The following IQCH variants were observed in gnomAD, a reference collection of about 807,000 sequenced individuals.
The protein encoded by IQCH is IQ domain-containing protein H.
A neutral mutation model predicts 117.0 loss-of-function variants in IQCH; 98 were observed. The ratio of observed to expected loss-of-function variants is 0.84; its 90% confidence interval spans 0.71 to 0.99. IQCH has a LOEUF of 0.99. IQCH is among the 50% of genes least tolerant of loss of function. IQCH has a pLI of 0.00. For missense variants in IQCH, 1,102 were observed against 1,243.8 expected, an observed-to-expected ratio of 0.89 and a Z score of 1.72; for synonymous variants, 412 against 448.2, an observed-to-expected ratio of 0.92 and a Z score of 1.02.
chr15:67,487,429 AACACACACACAC>A (rs111875205), intron 18 of IQCH, among the ~76,000 whole-genome samples: 2 of 148,096 alleles, frequency 1.4e-5, no homozygotes, highest in African/African-American at 2.5e-5. Context: ...ACTTAAGGAA[AACACACACACAC>A]ACACACACAC....
intron 16 of IQCH, among the ~76,000 whole-genome samples, chr15:67,442,697 A>G (rs1246116547): frequency 6.6e-6 from 1 of 152,096 alleles, no homozygotes; most frequent in Non-Finnish European, 1.5e-5. Context: ...CCAGAGGAAA[A>G]GAAGTCATTA....
At chr15:67,378,505 C>T (rs1035702598) in intron 10 of IQCH, among the ~76,000 whole-genome samples, 2 of 149,518 alleles carry the variant, frequency 1.3e-5, no homozygotes, top group Non-Finnish European at 3.0e-5. Context: ...GACAGCATTT[C>T]CCAGAAATAT....
Position 67,344,089 on chromosome 15 carries a change from C to G in IQCH, c.535C>G (p.Leu179Val). The change falls in exon 6 of 21, where the codon CTG becomes GTG. Residue 179 changes from leucine (L) to valine (V), a missense_variant. Coordinates refer to ENST00000335894, the MANE Select transcript of IQCH (RefSeq NM_001031715.3). ...KGILSMIERG[L>V]IPPTARITFQ... ...GATTTTAAGTATGATAGAACGAGGG[C>G]TGATTCCACCAACAGCAAGGATTAC... 1 of 1,613,040 alleles carries G rather than the reference C, an allele frequency of 6.2e-7. No homozygotes were observed. The highest frequency in any genetic ancestry group is 2.2e-5 in the East Asian group (1 of 44,844).
chr15:67,440,094 TAC>T (rs1383097108), intron 16 of IQCH, among the ~76,000 whole-genome samples: 8 of 152,182 alleles, frequency 5.3e-5, no homozygotes, highest in Middle Eastern at 3.4e-3. Context: ...TGACCACCTT[TAC>T]ACACATAAAC....
chr15:67,317,747 AT>A (rs1163180585), intron 4 of IQCH, among the ~76,000 whole-genome samples: 3 of 152,292 alleles, frequency 2.0e-5, no homozygotes, highest in Non-Finnish European at 2.9e-5. Flanking sequence ...TCAATAAATG[AT>A]TAATTTAATT....
Position 67,438,308 on chromosome 15 carries a change from A to G in IQCH, c.2505+16731A>G, listed in dbSNP as rs966087016. Among the ~76,000 whole-genome samples the G allele has an allele frequency of 4.6e-5, 7 of 152,208 alleles. No individual in the cohort carries two copies. In the East Asian group the frequency reaches 1.3e-3, roughly 29 times the overall value. ...TGTATCCAGTGAAACTAAGCATCAT[A>G]TATGAAGGAAAGATACAGTCATTTT... On this transcript the variant is annotated intron_variant, in intron 16 of 20. Transcript: ENST00000335894.
At position 67,254,831 on chromosome 15, in the gene IQCH, T is replaced by G. The variant is rs544092628; in HGVS notation, c.-66T>G. 71 of 1,539,044 alleles carry G rather than the reference T, an allele frequency of 4.6e-5. No individual in the cohort carries two copies. The highest frequency in any genetic ancestry group is 1.7e-4 in the Middle Eastern group (1 of 5,976). On this transcript the variant is annotated 5_prime_UTR_variant, in exon 1 of 21. Coordinates refer to ENST00000335894, the MANE Select transcript of IQCH (RefSeq NM_001031715.3). ...CGGTGTTGCCATGGGGACGAGCGGC[T>G]CCGGCTGAAGGTTTCCGTGCTTGGA... is the stretch of plus-strand genomic sequence containing the variant.
intron 4 of IQCH, among the ~76,000 whole-genome samples, chr15:67,318,427 T>C (rs900525283): frequency 2.6e-5 from 4 of 152,240 alleles, no homozygotes; most frequent in African/African-American, 9.6e-5. Flanking sequence ...ATCATATTCC[T>C]GAGAAGGAAA....
intron 6 of IQCH, among the ~76,000 whole-genome samples, chr15:67,348,910 CAG>C (rs1596234287): frequency 6.6e-6 from 1 of 152,240 alleles, no homozygotes; most frequent in East Asian, 1.9e-4. Flanking sequence ...AGGATAAACA[CAG>C]AGATCAATGG....
intron 2 of IQCH, among the ~76,000 whole-genome samples, chr15:67,261,817 A>T (rs1001674632): frequency 2.0e-5 from 3 of 152,190 alleles, no homozygotes; most frequent in Admixed American, 2.0e-4. Flanking sequence ...TGGGCACAGT[A>T]GTGCAGGCCT....
rs148652817 is a variant in IQCH at position 67,443,622 on chromosome 15, A to T, written c.2506-21505A>T. ...ATTATCGTCCTACCTCCCACATATTACCTTCAGTCCTACAATTTGCTTTTC... is the reference window on the plus strand; with the variant it reads ...ATTATCGTCCTACCTCCCACATATTTCCTTCAGTCCTACAATTTGCTTTTC... On this transcript the variant is annotated intron_variant, in intron 16 of 20. Coordinates refer to ENST00000335894, the MANE Select transcript of IQCH (RefSeq NM_001031715.3). The surrounding 1 kb of genome is among the most constrained non-coding windows in gnomAD (Gnocchi z 5.0). 2.6e-3 allele frequency among the ~76,000 whole-genome samples: 396 copies of T among 152,294 alleles called. 1 individual carries two copies. The highest frequency in any genetic ancestry group is 0.017 in the Middle Eastern group (5 of 294).
At chr15:67,498,628 A>AAACTT (rs60915720) in intron 20 of IQCH, among the ~76,000 whole-genome samples, 1 of 148,780 alleles carries the variant, frequency 6.7e-6, no homozygotes, top group South Asian at 2.1e-4. Context: ...AAAAAAAAAA[A>AAACTT]TAAGTTAAAA....
intron 4 of IQCH, 28 bp from the exon 5 acceptor site, chr15:67,336,947 T>C: frequency 6.2e-7 from 1 of 1,611,204 alleles, no homozygotes; most frequent in Non-Finnish European, 8.5e-7. Context: ...GCAAAAATGT[T>C]TGCTGAAACA....
rs1172391770 is a variant in IQCH, at chr15:67,369,728, G to A, written c.754-2383G>A. Among the ~76,000 whole-genome samples, 1 of 152,176 alleles carries A rather than the reference G, an allele frequency of 6.6e-6. No homozygotes were observed. The highest frequency in any genetic ancestry group is 2.4e-5 in the African/African-American group (1 of 41,426). On this transcript the variant is annotated intron_variant, in intron 8 of 20. Coordinates refer to ENST00000335894, the MANE Select transcript of IQCH (RefSeq NM_001031715.3). This position sits in a 1 kb window ranked among gnomAD's most constrained non-coding sequence, Gnocchi z 5.2. The stretch of plus-strand genomic sequence containing the variant: ...TAATCAGGGCTCTTATTCCTAGCAG[G>A]CTGTGAAGCAGCTTTGTCTTTACCT...
intron 20 of IQCH, among the ~76,000 whole-genome samples, chr15:67,499,068 G>A (rs994945891): frequency 3.9e-5 from 6 of 152,154 alleles, no homozygotes; most frequent in African/African-American, 9.6e-5. Flanking sequence ...AGGCTGAAGC[G>A]AAAGGATCAC....
At chr15:67,307,035 T>G in intron 4 of IQCH, 2 of 1,329,398 alleles carry the variant, frequency 1.5e-6, no homozygotes, top group South Asian at 2.2e-5. Context: ...AGAACAATTA[T>G]GAATGCATAA....
At position 67,500,232 on chromosome 15, in the gene IQCH, C is replaced by T. The variant is rs1391226265; in HGVS notation, c.2971-401C>T. Reference sequence around the variant, plus strand: ...CCTATTAGCCCTCATTTTAGGGTGACTAGACCAATGCTTCTCAAATTATCC... The same window carrying T: ...CCTATTAGCCCTCATTTTAGGGTGATTAGACCAATGCTTCTCAAATTATCC... On this transcript the variant is annotated intron_variant, in intron 20 of 20. Coordinates refer to ENST00000335894, the MANE Select transcript of IQCH (RefSeq NM_001031715.3). The surrounding 1 kb of genome is among the most constrained non-coding windows in gnomAD (Gnocchi z 4.4). 6.6e-6 allele frequency among the ~76,000 whole-genome samples: 1 copy of T among 152,068 alleles called. No homozygotes were observed. The highest frequency in any genetic ancestry group is 1.9e-4 in the East Asian group (1 of 5,198).
chr15:67,437,201 A>G (rs982130710), intron 16 of IQCH, among the ~76,000 whole-genome samples: 1 of 152,112 alleles, frequency 6.6e-6, no homozygotes, highest in Non-Finnish European at 1.5e-5. Context: ...CTGCTGAGAA[A>G]CCCATATAAT....
Position 67,369,640 on chromosome 15 carries a change from T to G in IQCH, c.754-2471T>G, listed in dbSNP as rs1013473097. On this transcript the variant is annotated intron_variant, in intron 8 of 20. Transcript: ENST00000335894. This position sits in a 1 kb window ranked among gnomAD's most constrained non-coding sequence, Gnocchi z 5.2. Reference sequence around the variant, plus strand: ...AAGAAAGCCAACAAATAATAGTAGATAAGTTCACAGAGATAATAAAGAATA... The same window carrying G: ...AAGAAAGCCAACAAATAATAGTAGAGAAGTTCACAGAGATAATAAAGAATA... 1.3e-5 allele frequency among the ~76,000 whole-genome samples: 2 copies of G among 151,978 alleles called. No homozygotes were observed. Among genetic ancestry groups the G allele is most frequent in the Non-Finnish European group, 2.9e-5 (2 of 67,976 alleles).
Sources: allele counts gnomAD v4.1 joint callset (sites outside exome capture counted in the v4.1 genomes callset), GRCh38; gene constraint gnomAD v4.1.1; non-coding constraint Gnocchi (gnomAD v3.1); transcripts MANE v1.5; gene names NCBI Gene and HGNC (gene_info 2026-07-23, HGNC 2026-07-21).